The following PFKFB4 variants were observed in gnomAD, a reference collection of about 807,000 sequenced individuals.
PFKFB4 encodes 6-phosphofructo-2-kinase/fructose-2,6-biphosphatase 4, also known as 6-phosphofructo-2-kinase/fructose-2,6-bisphosphatase 4.
A neutral mutation model predicts 62.8 loss-of-function variants in PFKFB4; 42 were observed. The ratio of observed to expected loss-of-function variants is 0.67; its 90% CI spans 0.52 to 0.86. The LOEUF is 0.86. Ranked by LOEUF, PFKFB4 falls within the 40% of genes least tolerant of loss-of-function variation. The pLI is 0.00. For synonymous variants in PFKFB4, 204 were observed against 240.7 expected (o/e 0.85, Z 1.41); for missense variants, 475 against 627.2 (o/e 0.76, Z 2.59).
chr3:48,539,465 G>T, intron 5 of PFKFB4, 155 bp from the exon 6 acceptor site: 4 of 745,978 alleles, frequency 5.4e-6, no homozygotes, highest in Non-Finnish European at 9.4e-6. Flanking sequence ...TGGAGGCGGG[G>T]TCAAGGAGTC....
intron 5 of PFKFB4, 177 bp downstream of exon 5, chr3:48,539,520 A>G: frequency 1.4e-6 from 1 of 701,520 alleles, no homozygotes; most frequent in Non-Finnish European, 2.5e-6. Flanking sequence ...CTCCCACGAA[A>G]ACCCCCTTCC....
At chr3:48,539,105 A>G (rs2042721789) in intron 6 of PFKFB4, 149 bp downstream of exon 6, 2 of 695,516 alleles carry the variant, frequency 2.9e-6, no homozygotes, top group Admixed American at 2.1e-5. Flanking sequence ...AGTGATCCAC[A>G]GAGGGCGAGG....
At chr3:48,542,329 A>T (rs13079292) in intron 4 of PFKFB4, among the ~76,000 whole-genome samples, 1 of 146,122 alleles carries the variant, frequency 6.8e-6, no homozygotes, top group African/African-American at 2.5e-5. Flanking sequence ...GCGAGACTCC[A>T]TCTCAAAAAA....
chr3:48,520,738 G>A (rs1246676190), intron 13 of PFKFB4, among the ~76,000 whole-genome samples: 1 of 152,190 alleles, frequency 6.6e-6, no homozygotes, highest in African/African-American at 2.4e-5. Flanking sequence ...GGTTAGTAGC[G>A]GTTTGCCTCT....
intron 1 of PFKFB4, among the ~76,000 whole-genome samples, chr3:48,554,667 TC>T (rs2043257116): frequency 6.6e-6 from 1 of 152,146 alleles, no homozygotes; most frequent in Non-Finnish European, 1.5e-5. Flanking sequence ...GATGCATCAA[TC>T]CCTGACTCAG....
At chr3:48,562,544 C>T (rs2043448519), upstream of PFKFB4, 3 of 544,720 alleles carry the variant, frequency 5.5e-6, no homozygotes, top group African/African-American at 5.8e-5. The surrounding 1 kb of genome is among the most constrained non-coding windows in gnomAD (Gnocchi z 4.3). Flanking sequence ...TGGCAGTGAC[C>T]CAACTTAGCA....
At position 48,518,297 on chromosome 3, in the gene PFKFB4, C is replaced by T. The variant is rs1043195444; in HGVS notation, c.*1450G>A. On this transcript the variant is annotated 3_prime_UTR_variant, in exon 14 of 14. Transcript: ENST00000232375. ...CGGCCAGGGCCAGGGACGCTAACTT[C>T]TCTCAGGGACAGGTGGCATCTGCAG... 2 of 152,558 alleles carry T rather than the reference C, an allele frequency of 1.3e-5. No individual in the cohort carries two copies. Among genetic ancestry groups the T allele is most frequent in the African/African-American group, 4.8e-5 (2 of 41,482 alleles). 9.5% of individuals were successfully genotyped at this position (152,558 alleles called of 1,614,324 possible).
intron 1 of PFKFB4, among the ~76,000 whole-genome samples, chr3:48,551,041 G>A (rs555097745): frequency 6.6e-6 from 1 of 152,254 alleles, no homozygotes; most frequent in East Asian, 1.9e-4. Flanking sequence ...CAGTCCCTCT[G>A]ATAGCCCACC....
At chr3:48,546,182 G>A (rs149094531) in intron 3 of PFKFB4, among the ~76,000 whole-genome samples, 68 of 152,260 alleles carry the variant, frequency 4.5e-4, no homozygotes, top group Middle Eastern at 3.4e-3. Context: ...ATGAGCACAG[G>A]TGCACACACA....
chr3:48,562,553 C>T, upstream of PFKFB4: 1 of 554,342 alleles, frequency 1.8e-6, no homozygotes, highest in Admixed American at 3.6e-5. This position sits in a 1 kb window ranked among gnomAD's most constrained non-coding sequence, Gnocchi z 4.3. Context: ...CCCAACTTAG[C>T]AATGTCCAAT....
At chr3:48,559,524 C>T (rs905467325), upstream of PFKFB4, 2 of 457,030 alleles carry the variant, frequency 4.4e-6, no homozygotes, top group African/African-American at 2.0e-5. Flanking sequence ...TCCCACTCCC[C>T]TGTGTCCTCT....
At chr3:48,541,784 G>A in intron 4 of PFKFB4, among the ~76,000 whole-genome samples, 1 of 152,122 alleles carries the variant, frequency 6.6e-6, no homozygotes, top group Non-Finnish European at 1.5e-5. Flanking sequence ...TGCTCAACAA[G>A]GTGAAACCCT....
intron 10 of PFKFB4, 58 bp from the exon 11 acceptor site, chr3:48,523,888 CA>C: frequency 6.4e-7 from 1 of 1,553,188 alleles, no homozygotes; most frequent in South Asian, 1.2e-5. Flanking sequence ...GGGACAGACA[CA>C]TCCTGGACAC....
intron 5 of PFKFB4, 103 bp from the exon 6 acceptor site, chr3:48,539,413 T>C: frequency 9.8e-7 from 1 of 1,021,558 alleles, no homozygotes; most frequent in Middle Eastern, 2.9e-4. Context: ...CTGAGGCCCA[T>C]GCTGACAAGC....
At chr3:48,530,404 G>C (rs1389022097) in intron 9 of PFKFB4, among the ~76,000 whole-genome samples, 2 of 152,138 alleles carry the variant, frequency 1.3e-5, no homozygotes, top group African/African-American at 4.8e-5. Flanking sequence ...ATTTTCCTGT[G>C]ACAGTATGAG....
upstream of PFKFB4, chr3:48,562,798 G>C: frequency 6.4e-7 from 1 of 1,552,848 alleles, no homozygotes; most frequent in Non-Finnish European, 8.7e-7. This position sits in a 1 kb window ranked among gnomAD's most constrained non-coding sequence, Gnocchi z 4.3. Context: ...AGCAGTGGCC[G>C]ACACGGGCCA....
At position 48,556,719 on chromosome 3, in the gene PFKFB4, C is replaced by T. The variant is rs2043334844; in HGVS notation, c.59G>A (p.Ser20Asn). Residue 20 changes from serine to asparagine, a missense_variant, in exon 1 of 14, where the codon AGC becomes AAC. Physicochemically the swap from Ser to Asn is conservative, Grantham distance 46. Transcript: ENST00000232375. This position sits in a 1 kb window ranked among gnomAD's most constrained non-coding sequence, Gnocchi z 5.7. Reference sequence around the variant, plus strand: ...AGCGTGCAGAGCGGGCCGCCCATTGCTGTATGGCATCCAGATCTTCTTCAG... The same window carrying T: ...AGCGTGCAGAGCGGGCCGCCCATTGTTGTATGGCATCCAGATCTTCTTCAG... ...NPLKKIWMPY[S>N]NGRPALHACQ... 6.2e-7 allele frequency: 1 copy of T among 1,610,228 alleles called. No individual in the cohort carries two copies. The highest frequency in any genetic ancestry group is 1.7e-5 in the Admixed American group (1 of 59,480).
chr3:48,520,248 G>T (rs1560147199), intron 13 of PFKFB4, among the ~76,000 whole-genome samples: 1 of 152,128 alleles, frequency 6.6e-6, no homozygotes, highest in Non-Finnish European at 1.5e-5. Flanking sequence ...AAGCCTATGG[G>T]CATTTCCTGG....
At chr3:48,524,299 T>A (rs550331033) in intron 10 of PFKFB4, among the ~76,000 whole-genome samples, 1 of 152,332 alleles carries the variant, frequency 6.6e-6, no homozygotes, top group East Asian at 1.9e-4. Context: ...ACCTGCCCAG[T>A]ATCTTCCCCC....
Sources: gnomAD v4.1 joint callset for allele counts (sites outside exome capture counted in the v4.1 genomes callset) on GRCh38, gnomAD v4.1.1 for gene constraint, Gnocchi (gnomAD v3.1) non-coding constraint, MANE v1.5 for transcripts, NCBI Gene and HGNC (gene_info 2026-07-23, HGNC 2026-07-21) for gene names.